Variants in FAM91A1 observed in about 807,000 individuals in gnomAD.
FAM91A1 encodes the protein protein FAM91A1.
A neutral mutation model predicts 113.5 loss-of-function variants in FAM91A1; 41 were observed. The observed-to-expected ratio is 0.36, with a 90% CI of 0.28 to 0.47. The LOEUF (loss-of-function observed/expected upper bound fraction) is 0.47. Among genes scored for constraint, FAM91A1 ranks in the 20% least tolerant of loss-of-function variants. The pLI is 1.00. For synonymous variants in FAM91A1, 307 were observed against 347.9 expected, an observed-to-expected ratio of 0.88 and a Z score of 1.31; for missense variants, 696 against 1,001.2, an observed-to-expected ratio of 0.70 and a Z score of 4.11.
intron 18 of FAM91A1, among the ~76,000 whole-genome samples, chr8:123,801,652 TA>T (rs756215922): frequency 2.0e-5 from 3 of 152,174 alleles, no homozygotes; most frequent in Non-Finnish European, 4.4e-5. Context: ...GTGGAAGACT[TA>T]AAAAGAACTA....
intron 22 of FAM91A1, 35 bp downstream of exon 22, chr8:123,809,051 C>A (rs1022440580): frequency 2.5e-6 from 4 of 1,601,416 alleles, no homozygotes; most frequent in African/African-American, 1.3e-5. Flanking sequence ...ATTTTCATAT[C>A]AATTTTTAAG....
intron 19 of FAM91A1, among the ~76,000 whole-genome samples, chr8:123,805,871 A>T (rs558903764): frequency 1.3e-5 from 2 of 152,332 alleles, no homozygotes; most frequent in South Asian, 4.1e-4. Context: ...TTGAGTTAAG[A>T]TATAAATAAT....
intron 14 of FAM91A1, 85 bp from the exon 15 acceptor site, chr8:123,789,528 G>T (rs1386531586): frequency 6.4e-7 from 1 of 1,572,066 alleles, no homozygotes; most frequent in African/African-American, 1.4e-5. Context: ...TTTGAATAAT[G>T]TCTTATATCT....
chr8:123,783,032 C>T (rs1345128871), intron 8 of FAM91A1, among the ~76,000 whole-genome samples: 6 of 152,062 alleles, frequency 3.9e-5, no homozygotes, highest in Non-Finnish European at 8.8e-5. Flanking sequence ...AAGAATTAGT[C>T]ATGCGTGTTG....
chr8:123,784,372 T>C, intron 8 of FAM91A1, 98 bp from the exon 9 acceptor site: 1 of 832,346 alleles, frequency 1.2e-6, no homozygotes, highest in Non-Finnish European at 1.8e-6. Context: ...ATTCAGTCCC[T>C]AAGTTAGAGG....
chr8:123,789,943 G>C (rs1815344459), intron 15 of FAM91A1, among the ~76,000 whole-genome samples, 198 bp downstream of exon 15: 1 of 152,070 alleles, frequency 6.6e-6, no homozygotes, highest in Non-Finnish European at 1.5e-5. Flanking sequence ...TTTCTCATGT[G>C]CCACTAACAT....
chr8:123,782,587 T>C (rs1353209241), intron 8 of FAM91A1, among the ~76,000 whole-genome samples: 1 of 152,266 alleles, frequency 6.6e-6, no homozygotes, highest in Non-Finnish European at 1.5e-5. Flanking sequence ...ATTTCTGTTA[T>C]GCTTGAATGG....
chr8:123,812,408 T>TATTAA, intron 23 of FAM91A1, 111 bp from the exon 24 acceptor site: 1 of 773,990 alleles, frequency 1.3e-6, no homozygotes, highest in Non-Finnish European at 1.9e-6. Context: ...TGTACTGCTT[T>TATTAA]GCAATCCATA....
chr8:123,800,766 A>G (rs140102451), intron 18 of FAM91A1, among the ~76,000 whole-genome samples: 207 of 152,288 alleles, frequency 1.4e-3, no homozygotes, highest in African/African-American at 4.6e-3. Flanking sequence ...TGTGAATGGA[A>G]TCATATATAA....
At chr8:123,806,313 T>C (rs1369436859) in intron 20 of FAM91A1, 84 bp downstream of exon 20, 2 of 1,345,308 alleles carry the variant, frequency 1.5e-6, no homozygotes, top group East Asian at 4.8e-5. Flanking sequence ...CAGCAGACCT[T>C]TGTGGGGATG....
intron 19 of FAM91A1, 111 bp from the exon 20 acceptor site, chr8:123,805,969 T>C: frequency 3.0e-6 from 3 of 1,007,794 alleles, no homozygotes; most frequent in Non-Finnish European, 4.0e-6. Flanking sequence ...TCAATTATGA[T>C]GTATTAAAGT....
At chr8:123,792,792 C>T (rs1225082377) in intron 15 of FAM91A1, among the ~76,000 whole-genome samples, 1 of 152,158 alleles carries the variant, frequency 6.6e-6, no homozygotes. Flanking sequence ...AGTGCAAGGA[C>T]CCACTTTTTC....
At chr8:123,804,240 C>G (rs1428199622) in intron 18 of FAM91A1, among the ~76,000 whole-genome samples, 1 of 151,846 alleles carries the variant, frequency 6.6e-6, no homozygotes, top group Non-Finnish European at 1.5e-5. Context: ...AATCCCAGTA[C>G]TTTGGGAGGC....
chr8:123,772,508 C>A (rs1814876149), intron 1 of FAM91A1, among the ~76,000 whole-genome samples: 1 of 152,156 alleles, frequency 6.6e-6, no homozygotes, highest in Admixed American at 6.5e-5. Flanking sequence ...CTCTTAACCC[C>A]TTATAATGTT....
chr8:123,795,058 A>G (rs1040081180), intron 15 of FAM91A1, among the ~76,000 whole-genome samples: 2 of 152,238 alleles, frequency 1.3e-5, no homozygotes, highest in Non-Finnish European at 1.5e-5. Flanking sequence ...AGGCATACCT[A>G]TAGACTCTAA....
In FAM91A1 at chr8:123,808,277, C is replaced by G. The variant is rs1815859946; in HGVS notation, c.2038C>G (p.Pro680Ala). 6.2e-7 allele frequency: 1 copy of G among 1,611,526 alleles called. No individual in the cohort carries two copies. ...GTATGCCCTTTAATTATAAGGAGAACCTGATTTGGCTTCTGGCTCAGATGT... is the reference window on the plus strand; with the variant it reads ...GTATGCCCTTTAATTATAAGGAGAAGCTGATTTGGCTTCTGGCTCAGATGT... ...LSDASDERGE[P>A]DLASGSDVNG... Residue 680 changes from proline to alanine, a missense_variant, in exon 21 of 24, where the codon CCT (proline) becomes GCT (alanine). By Grantham distance (27) the Pro-to-Ala change is conservative. Transcript: ENST00000334705.
intron 19 of FAM91A1, 135 bp downstream of exon 19, chr8:123,805,474 T>G (rs1331815834): frequency 4.3e-6 from 3 of 701,118 alleles, no homozygotes; most frequent in Non-Finnish European, 7.0e-6. Flanking sequence ...TAAAGAGTGT[T>G]GGCAAAAGGT....
chr8:123,804,236 A>G (rs1009581934), intron 18 of FAM91A1, among the ~76,000 whole-genome samples: 2 of 152,112 alleles, frequency 1.3e-5, no homozygotes, highest in Non-Finnish European at 1.5e-5. Context: ...CTGTAATCCC[A>G]GTACTTTGGG....
At chr8:123,773,934 T>C (rs986265126) in intron 1 of FAM91A1, 146 bp from the exon 2 acceptor site, 3 of 613,742 alleles carry the variant, frequency 4.9e-6, no homozygotes, top group Non-Finnish European at 8.3e-6. Context: ...TATAATAACA[T>C]TTAAGAAAAT....
Sources: allele counts gnomAD v4.1 joint callset (sites outside exome capture counted in the v4.1 genomes callset), GRCh38; gene constraint gnomAD v4.1.1; transcripts MANE v1.5; gene names NCBI Gene and HGNC (gene_info 2026-07-23, HGNC 2026-07-21).